Variants in KCNIP4 observed in about 807,000 individuals in gnomAD.
KCNIP4 encodes the protein Kv channel-interacting protein 4.
In KCNIP4, 12 loss-of-function variants were observed where a neutral mutation model predicts 34.0. The ratio of observed to expected loss-of-function variants is 0.35; its 90% confidence interval spans 0.23 to 0.57. The LOEUF (loss-of-function observed/expected upper bound fraction) is 0.57. KCNIP4 is among the 20% of genes least tolerant of loss of function. The probability of loss-of-function intolerance (pLI) is 0.83; values close to 1 mark genes in which losing one functional copy is unlikely to be tolerated. For missense variants in KCNIP4, 238 were observed against 311.7 expected, an observed-to-expected ratio of 0.76 and a Z score of 1.78; for synonymous variants, 124 against 102.2, an observed-to-expected ratio of 1.21 and a Z score of -1.29.
At chr4:20,804,001 A>G (rs1435836501) in intron 3 of KCNIP4, among the ~76,000 whole-genome samples, 1 of 152,142 alleles carries the variant, frequency 6.6e-6, no homozygotes, top group Non-Finnish European at 1.5e-5. Context: ...TTAATTCCCA[A>G]AGTAGTTGTG....
At chr4:21,187,716 T>C (rs1755344616) in intron 1 of KCNIP4, among the ~76,000 whole-genome samples, 1 of 151,776 alleles carries the variant, frequency 6.6e-6, no homozygotes, top group Non-Finnish European at 1.5e-5. Context: ...ATTTTTTTTT[T>C]CTGCAGGTAT....
At chr4:20,962,244 T>C (rs904699434) in intron 1 of KCNIP4, among the ~76,000 whole-genome samples, 1 of 152,158 alleles carries the variant, frequency 6.6e-6, no homozygotes, top group Non-Finnish European at 1.5e-5. Context: ...GAACTGGGGA[T>C]CCATCCCCAT....
chr4:21,243,174 A>C (rs1759978770), intron 1 of KCNIP4, among the ~76,000 whole-genome samples: 1 of 152,144 alleles, frequency 6.6e-6, no homozygotes, highest in South Asian at 2.1e-4. Flanking sequence ...TATTTATTCT[A>C]TGAACAGTAA....
intron 1 of KCNIP4, among the ~76,000 whole-genome samples, chr4:21,409,502 G>A (rs558418599): frequency 2.6e-5 from 4 of 151,972 alleles, no homozygotes; most frequent in African/African-American, 9.7e-5. Context: ...TTTACCATAT[G>A]AATTAAAATA....
At chr4:21,024,337 G>A (rs1283069963) in intron 1 of KCNIP4, among the ~76,000 whole-genome samples, 1 of 152,160 alleles carries the variant, frequency 6.6e-6, no homozygotes, top group Non-Finnish European at 1.5e-5. Context: ...GGCAATTAAT[G>A]TTTTTGAGGT....
In KCNIP4 at chr4:20,732,557, A is replaced by G. The variant is rs1748579634; in HGVS notation, c.642+124T>C. The G allele has an allele frequency of 3.2e-5, 22 of 691,528 alleles. 1 individual carries two copies. In the South Asian group the frequency reaches 3.4e-4, roughly 11 times the overall value. 42.8% of individuals were successfully genotyped at this position (691,528 alleles called of 1,614,324 possible). On this transcript the variant is annotated intron_variant, in intron 7 of 8. Coordinates refer to ENST00000382152, the MANE Select transcript of KCNIP4 (RefSeq NM_025221.6). ...AGCTATTAAATTAATAGGATGCTAA[A>G]TACTGTTTTGTTTCAGTAAAAATTA...
At chr4:21,672,311 C>T (rs181372694) in intron 1 of KCNIP4, among the ~76,000 whole-genome samples, 3 of 152,096 alleles carry the variant, frequency 2.0e-5, no homozygotes, top group African/African-American at 7.2e-5. Context: ...CAAAAAGATA[C>T]TGGTTCTGTA....
At chr4:21,848,086 C>T (rs1724139839) in intron 1 of KCNIP4, 1 of 152,102 alleles carries the variant, frequency 6.6e-6, no homozygotes, top group Non-Finnish European at 1.5e-5. Flanking sequence ...TGGGAAGTCT[C>T]ACTCCAGATA....
At chr4:21,294,104 T>C (rs1225432838) in intron 1 of KCNIP4, among the ~76,000 whole-genome samples, 1 of 152,236 alleles carries the variant, frequency 6.6e-6, no homozygotes, top group Non-Finnish European at 1.5e-5. Context: ...AATGATCATA[T>C]AAATTCTTGA....
chr4:20,765,600 G>A (rs1755329104), intron 3 of KCNIP4, among the ~76,000 whole-genome samples: 1 of 152,168 alleles, frequency 6.6e-6, no homozygotes, highest in South Asian at 2.1e-4. Flanking sequence ...ATGGGCTGAG[G>A]AAAATGTTCT....
At chr4:21,635,362 AG>A (rs1345360655) in intron 1 of KCNIP4, among the ~76,000 whole-genome samples, 1 of 152,234 alleles carries the variant, frequency 6.6e-6, no homozygotes, top group Non-Finnish European at 1.5e-5. Context: ...GTTCTAGAGA[AG>A]GATGGCGACT....
chr4:21,119,274 C>T (rs1749941310), intron 1 of KCNIP4, among the ~76,000 whole-genome samples: 1 of 151,956 alleles, frequency 6.6e-6, no homozygotes, highest in Non-Finnish European at 1.5e-5. Flanking sequence ...GCTCCAGAGA[C>T]ATTGGTGCAA....
intron 4 of KCNIP4, among the ~76,000 whole-genome samples, chr4:20,752,162 G>A (rs764397843): frequency 6.7e-6 from 1 of 149,522 alleles, no homozygotes; most frequent in Non-Finnish European, 1.5e-5. Context: ...GGGTTCAAGC[G>A]ATTCTCCTGC....
chr4:21,132,703 C>T (rs1751163129), intron 1 of KCNIP4, among the ~76,000 whole-genome samples: 1 of 152,018 alleles, frequency 6.6e-6, no homozygotes, highest in East Asian at 1.9e-4. Context: ...AGATTTATAA[C>T]ATGTTAGAAT....
chr4:20,852,834 G>A (rs2149485716), intron 2 of KCNIP4, among the ~76,000 whole-genome samples: 1 of 152,222 alleles, frequency 6.6e-6, no homozygotes. Flanking sequence ...CACTAACAGT[G>A]ACCAAACAGA....
At chr4:21,651,958 T>A (rs1314160437) in intron 1 of KCNIP4, among the ~76,000 whole-genome samples, 1 of 152,198 alleles carries the variant, frequency 6.6e-6, no homozygotes, top group African/African-American at 2.4e-5. Context: ...TTGTATATAA[T>A]ACAAAGTCAT....
intron 1 of KCNIP4, among the ~76,000 whole-genome samples, chr4:21,011,866 T>C (rs1389002849): frequency 6.6e-6 from 1 of 152,254 alleles, no homozygotes; most frequent in East Asian, 1.9e-4. Flanking sequence ...CTTTCGTTTC[T>C]TCTTTTCAGA....
chr4:21,157,915 C>T (rs1454349625), intron 1 of KCNIP4, among the ~76,000 whole-genome samples: 1 of 151,348 alleles, frequency 6.6e-6, no homozygotes, highest in African/African-American at 2.4e-5. Flanking sequence ...AAAGTCAATA[C>T]AATCAATAAA....
At chr4:21,672,799 G>T (rs1315867393) in intron 1 of KCNIP4, among the ~76,000 whole-genome samples, 1 of 152,150 alleles carries the variant, frequency 6.6e-6, no homozygotes, top group Non-Finnish European at 1.5e-5. Context: ...GGTGCTTCTG[G>T]CCCAGCATTG....
Sources: allele counts gnomAD v4.1 joint callset (sites outside exome capture counted in the v4.1 genomes callset), GRCh38; gene constraint gnomAD v4.1.1; transcripts MANE v1.5; gene names NCBI Gene and HGNC (gene_info 2026-07-23, HGNC 2026-07-21).